The following GRM8 variants were observed in gnomAD, a reference collection of about 807,000 sequenced individuals.
The protein encoded by GRM8 is metabotropic glutamate receptor 8.
A neutral mutation model predicts 87.2 loss-of-function variants in GRM8; 47 were observed. That is an observed-to-expected ratio of 0.54 (90% CI 0.43 to 0.69). The LOEUF (loss-of-function observed/expected upper bound fraction) is 0.69, where lower values mean the gene tolerates loss of function less well. Among genes scored for constraint, GRM8 ranks in the 30% least tolerant of loss-of-function variants. The pLI, the probability that GRM8 is intolerant of heterozygous loss-of-function variation, is 0.00. For synonymous variants in GRM8, 396 were observed against 404.5 expected, an observed-to-expected ratio of 0.98 and a Z score of 0.25; for missense variants, 1,019 against 1,139.2, an observed-to-expected ratio of 0.89 and a Z score of 1.52.
intron 8 of GRM8, among the ~76,000 whole-genome samples, chr7:126,549,176 AT>A (rs1306709463): frequency 1.3e-5 from 2 of 152,156 alleles, no homozygotes; most frequent in African/African-American, 2.4e-5. Flanking sequence ...GACAGAGGCT[AT>A]TGAGAGAATT....
chr7:126,814,585 T>A (rs1183713589), intron 6 of GRM8, among the ~76,000 whole-genome samples: 6 of 152,012 alleles, frequency 3.9e-5, no homozygotes, highest in African/African-American at 1.4e-4. Context: ...TTGCACCCAA[T>A]ACATCCAACC....
chr7:127,114,546 C>T (rs185917734), intron 2 of GRM8, among the ~76,000 whole-genome samples: 44 of 152,270 alleles, frequency 2.9e-4, no homozygotes, highest in African/African-American at 8.2e-4. Context: ...CAGAATCTTC[C>T]TCTCACAAAC....
At position 126,609,448 on chromosome 7, in the gene GRM8, G is replaced by A. The variant is rs774000074; in HGVS notation, c.1408C>T (p.Arg470Cys). 2.0e-5 allele frequency: 32 copies of A among 1,609,396 alleles called. No individual in the cohort carries two copies. The highest frequency in any genetic ancestry group is 5.5e-5 in the South Asian group (5 of 90,994). ...TFNENGDAPG[R>C]YDIFQYQITN... ...ATTTGATACTGGAAGATATCATAACGTCCAGGAGCATCTCCGTTTTCATTA... is the reference window on the plus strand; with the variant it reads ...ATTTGATACTGGAAGATATCATAACATCCAGGAGCATCTCCGTTTTCATTA... The change falls in exon 8 of 11, where the codon CGT becomes TGT. Residue 470 changes from arginine (R) to cysteine (C), a missense_variant. By Grantham distance (180) the Arg-to-Cys change is radical. Coordinates refer to ENST00000339582, the MANE Select transcript of GRM8 (RefSeq NM_000845.3).
At chr7:127,176,261 C>A (rs1794100502) in intron 2 of GRM8, among the ~76,000 whole-genome samples, 1 of 151,996 alleles carries the variant, frequency 6.6e-6, no homozygotes, top group Non-Finnish European at 1.5e-5. Context: ...CAGGAAAATA[C>A]TGGAACAAAA....
At chr7:126,694,835 T>C (rs1011544083) in intron 7 of GRM8, among the ~76,000 whole-genome samples, 1 of 152,198 alleles carries the variant, frequency 6.6e-6, no homozygotes, top group Non-Finnish European at 1.5e-5. Flanking sequence ...TAGATGTCCA[T>C]GCAATTCTTG....
At chr7:127,157,264 A>G (rs957090552) in intron 2 of GRM8, among the ~76,000 whole-genome samples, 1 of 151,900 alleles carries the variant, frequency 6.6e-6, no homozygotes, top group Non-Finnish European at 1.5e-5. Flanking sequence ...GGAGGAGAGA[A>G]GAGGACAAAA....
intron 7 of GRM8, among the ~76,000 whole-genome samples, chr7:126,689,181 G>C (rs1348815811): frequency 2.0e-5 from 3 of 152,086 alleles, no homozygotes; most frequent in Non-Finnish European, 4.4e-5. Flanking sequence ...CTCTGTGGGA[G>C]GCCAAGAGGC....
intron 2 of GRM8, among the ~76,000 whole-genome samples, chr7:127,234,615 T>C (rs1360136928): frequency 6.6e-6 from 1 of 152,224 alleles, no homozygotes; most frequent in African/African-American, 2.4e-5. Context: ...CAAAGTGTGA[T>C]GTGCAAAAGA....
chr7:127,050,611 A>G (rs1819367334), intron 3 of GRM8, among the ~76,000 whole-genome samples: 1 of 152,206 alleles, frequency 6.6e-6, no homozygotes, highest in African/African-American at 2.4e-5. Context: ...AGGTGTCCAG[A>G]GAAGCCGAAG....
chr7:126,943,048 A>T (rs968359339), intron 3 of GRM8, among the ~76,000 whole-genome samples: 5 of 152,208 alleles, frequency 3.3e-5, no homozygotes, highest in Admixed American at 3.3e-4. Context: ...CTGACTAATA[A>T]GCTCCCAAGT....
At chr7:126,689,253 T>A (rs1808530604) in intron 7 of GRM8, among the ~76,000 whole-genome samples, 1 of 152,188 alleles carries the variant, frequency 6.6e-6, no homozygotes. Flanking sequence ...TAAAGCCTGT[T>A]CCTTAACCAA....
At chr7:126,596,694 C>T (rs532279973) in intron 8 of GRM8, among the ~76,000 whole-genome samples, 86 of 152,150 alleles carry the variant, frequency 5.7e-4, no homozygotes, top group Non-Finnish European at 7.9e-4. Context: ...AAATGGTTAA[C>T]AAAATAGCAG....
At chr7:126,526,573 C>T (rs1813884495) in intron 9 of GRM8, among the ~76,000 whole-genome samples, 1 of 152,134 alleles carries the variant, frequency 6.6e-6, no homozygotes, top group African/African-American at 2.4e-5. Context: ...TCTTCAGCCC[C>T]ACAGCTTCCT....
At chr7:127,088,203 T>A (rs559659631) in intron 3 of GRM8, among the ~76,000 whole-genome samples, 1 of 152,256 alleles carries the variant, frequency 6.6e-6, no homozygotes, top group East Asian at 1.9e-4. Flanking sequence ...TGGTATGCAA[T>A]ATGTGCTATT....
At chr7:126,889,161 G>A (rs1282037685) in intron 6 of GRM8, among the ~76,000 whole-genome samples, 1 of 152,124 alleles carries the variant, frequency 6.6e-6, no homozygotes, top group Non-Finnish European at 1.5e-5. Flanking sequence ...AGAAACCAGA[G>A]CAATTTGAGT....
At chr7:126,732,155 T>C (rs1057235295) in intron 7 of GRM8, among the ~76,000 whole-genome samples, 1 of 152,070 alleles carries the variant, frequency 6.6e-6, no homozygotes, top group African/African-American at 2.4e-5. Flanking sequence ...ATTATCATAA[T>C]ATATTTTTTC....
intron 6 of GRM8, among the ~76,000 whole-genome samples, chr7:126,835,963 G>A (rs1470975253): frequency 6.6e-6 from 1 of 152,134 alleles, no homozygotes; most frequent in East Asian, 1.9e-4. Context: ...AATGAGAATG[G>A]AAGTAAGAGA....
At position 127,044,994 on chromosome 7, in the gene GRM8, CCT is replaced by C. The variant is rs542658939; in HGVS notation, c.727+61500_727+61501del. On this transcript the variant is annotated intron_variant, in intron 3 of 10. Coordinates refer to ENST00000339582, the MANE Select transcript of GRM8 (RefSeq NM_000845.3). ...AATTTATACTCCCAAATCCCATTTC[CCT>C]CTCTGTTTCTCCTCAGAAACAGCCA... Among the ~76,000 whole-genome samples the C allele has an allele frequency of 2.0e-3, 310 of 152,138 alleles. 3 individuals carry two copies. The highest frequency in any genetic ancestry group is 7.2e-3 in the African/African-American group (297 of 41,520).
chr7:126,763,116 A>G (rs1443319465), intron 7 of GRM8, among the ~76,000 whole-genome samples: 1 of 144,166 alleles, frequency 6.9e-6, no homozygotes, highest in Non-Finnish European at 1.5e-5. Flanking sequence ...CACCCCCCCA[A>G]TGAATCCTTA....
Sources: allele counts gnomAD v4.1 joint callset (sites outside exome capture counted in the v4.1 genomes callset), GRCh38; gene constraint gnomAD v4.1.1; transcripts MANE v1.5; gene names NCBI Gene and HGNC (gene_info 2026-07-23, HGNC 2026-07-21).